DACH2: variants seen among roughly 807,000 people sequenced by gnomAD.
DACH2 encodes dachshund homolog 2.
A neutral mutation model predicts 35.8 loss-of-function variants in DACH2; 17 were observed. The observed-to-expected ratio is 0.48, with a 90% CI of 0.33 to 0.71. DACH2 has a LOEUF of 0.71. Ranked by LOEUF, DACH2 falls within the 30% of genes least tolerant of loss-of-function variation. The pLI is 0.02. For synonymous variants in DACH2, 195 were observed against 177.3 expected (o/e 1.10, Z -0.79); for missense variants, 469 against 472.7 (o/e 0.99, Z 0.07).
At chrX:86,171,893 G>A (rs1352732113) in intron 1 of DACH2, among the ~76,000 whole-genome samples, 1 of 111,062 alleles carries the variant, frequency 9.0e-6, no homozygotes, top group Non-Finnish European at 1.9e-5. Context: ...CTTTCTATTC[G>A]GCTACCTTGC....
chrX:86,658,804 T>C (rs2040572755), intron 4 of DACH2, among the ~76,000 whole-genome samples: 2 of 111,543 alleles, frequency 1.8e-5, no homozygotes, highest in South Asian at 3.7e-4. Flanking sequence ...CATTTACTTG[T>C]AGAAATAAAT....
intron 2 of DACH2, among the ~76,000 whole-genome samples, chrX:86,425,958 T>G (rs2036887017): frequency 9.0e-6 from 1 of 111,206 alleles, no homozygotes; most frequent in Non-Finnish European, 1.9e-5. Context: ...AATGAGCAGG[T>G]AGTAGACTCC....
intron 2 of DACH2, among the ~76,000 whole-genome samples, chrX:86,450,514 A>G (rs748022724): frequency 1.8e-5 from 2 of 111,218 alleles, no homozygotes; most frequent in Non-Finnish European, 3.8e-5. Context: ...GCTATTGTGA[A>G]TAGTGCTGCA....
At chrX:86,520,000 C>T (rs2038529217) in intron 3 of DACH2, among the ~76,000 whole-genome samples, 1 of 110,650 alleles carries the variant, frequency 9.0e-6, no homozygotes, top group Non-Finnish European at 1.9e-5. Context: ...GAAGTTAGGT[C>T]GTTAATTTGA....
intron 2 of DACH2, among the ~76,000 whole-genome samples, chrX:86,431,500 A>G (rs1229219895): frequency 2.7e-5 from 3 of 111,655 alleles, no homozygotes; most frequent in Non-Finnish European, 5.7e-5. Flanking sequence ...GATGGAGAGC[A>G]TGAAAGATCA....
chrX:86,627,514 A>T (rs2040152285), intron 3 of DACH2, among the ~76,000 whole-genome samples: 1 of 111,629 alleles, frequency 9.0e-6, no homozygotes, highest in Non-Finnish European at 1.9e-5. Flanking sequence ...ATATAATTAA[A>T]TATTATTGTT....
intron 1 of DACH2, among the ~76,000 whole-genome samples, chrX:86,188,323 T>G (rs1358772337): frequency 8.9e-6 from 1 of 111,936 alleles, no homozygotes; most frequent in East Asian, 2.8e-4. Flanking sequence ...AAAGTTGTGC[T>G]GCCCTCTACT....
intron 3 of DACH2, among the ~76,000 whole-genome samples, chrX:86,528,535 T>A (rs1340486753): frequency 9.0e-6 from 1 of 111,718 alleles, no homozygotes; most frequent in East Asian, 2.8e-4. Flanking sequence ...TGAATTGAAT[T>A]CTAAGCTTAA....
chrX:86,735,396 C>G (rs181266263), intron 6 of DACH2, among the ~76,000 whole-genome samples: 180 of 111,605 alleles, frequency 1.6e-3, no homozygotes, highest in African/African-American at 5.4e-3. Flanking sequence ...TAAACATTGT[C>G]CCATTCTTTA....
In DACH2 at chrX:86,537,975, C is replaced by T. The variant is rs1400497443; in HGVS notation, c.640+23584C>T. Among the ~76,000 whole-genome samples the T allele has an allele frequency of 1.4e-4, 16 of 110,786 alleles. No homozygotes were observed. In the Admixed American group the frequency reaches 1.5e-3, roughly 11 times the overall value. On this transcript the variant is annotated intron_variant, in intron 3 of 11. Transcript: ENST00000373125. ...CGCCCCTGCCCACCAGAGAACAACC[C>T]CCTTTGATTGTAATTTTCCACTACC...
intron 7 of DACH2, among the ~76,000 whole-genome samples, chrX:86,807,680 T>C (rs1245384809): frequency 8.9e-6 from 1 of 112,106 alleles, no homozygotes; most frequent in African/African-American, 3.2e-5. Context: ...GATGTTCTGC[T>C]CTAAAAGATT....
chrX:86,768,946 G>A (rs1477906569), intron 7 of DACH2, among the ~76,000 whole-genome samples: 2 of 111,021 alleles, frequency 1.8e-5, no homozygotes, highest in Non-Finnish European at 3.8e-5. Flanking sequence ...TAATCCACCA[G>A]CACATCAAAA....
At chrX:86,295,190 G>A (rs1350942235) in intron 1 of DACH2, among the ~76,000 whole-genome samples, 4 of 106,468 alleles carry the variant, frequency 3.8e-5, no homozygotes, top group South Asian at 4.4e-4. Flanking sequence ...TCCAGGTGCC[G>A]TCTGTCACCC....
At chrX:86,409,829 C>T (rs2036582310) in intron 2 of DACH2, among the ~76,000 whole-genome samples, 1 of 112,085 alleles carries the variant, frequency 8.9e-6, no homozygotes, top group African/African-American at 3.2e-5. Context: ...TAATCTAAAG[C>T]CCATTTCAAA....
chrX:86,690,828 G>A (rs993260308), intron 4 of DACH2, among the ~76,000 whole-genome samples: 7 of 111,847 alleles, frequency 6.3e-5, no homozygotes, highest in African/African-American at 2.3e-4. Context: ...GATTAAATTA[G>A]TTAGTGTTAA....
At chrX:86,556,362 T>C (rs1353888103) in intron 3 of DACH2, among the ~76,000 whole-genome samples, 5 of 110,677 alleles carry the variant, frequency 4.5e-5, no homozygotes, top group South Asian at 7.6e-4. Flanking sequence ...GCGTTCATTA[T>C]CTCTTTTGTG....
intron 4 of DACH2, among the ~76,000 whole-genome samples, chrX:86,679,464 A>G (rs1249903700): frequency 8.9e-6 from 1 of 111,989 alleles, no homozygotes; most frequent in East Asian, 2.8e-4. Flanking sequence ...CAACACATGA[A>G]AACTTTAAAA....
At position 86,289,583 on chromosome X, in the gene DACH2, C is replaced by T. The variant is rs749835657; in HGVS notation, c.489-87241C>T. On this transcript the variant is annotated intron_variant, in intron 1 of 11. Coordinates refer to ENST00000373125, the MANE Select transcript of DACH2 (RefSeq NM_053281.3). ...CTATCCCTCCCCCCTCCCCCCACCC[C>T]ACAACAGTCCCCAGAGTGTGATGTT... is the stretch of plus-strand genomic sequence containing the variant. Among the ~76,000 whole-genome samples the T allele has an allele frequency of 9.0e-3, 667 of 73,891 alleles. 13 individuals are homozygous for T. The highest frequency in any genetic ancestry group is 0.029 in the African/African-American group (566 of 19,366). 64.2% of individuals were successfully genotyped at this position (73,891 alleles called of 115,157 possible). A position where few individuals can be genotyped will look rare whatever the true frequency, so the allele number is the denominator to read the frequency against.
intron 1 of DACH2, among the ~76,000 whole-genome samples, chrX:86,362,478 A>G (rs995945921): frequency 1.8e-5 from 2 of 111,599 alleles, no homozygotes; most frequent in Non-Finnish European, 3.8e-5. Flanking sequence ...TTAAGGTGAT[A>G]AACTAAATAA....
Sources: allele counts gnomAD v4.1 joint callset (sites outside exome capture counted in the v4.1 genomes callset), GRCh38; gene constraint gnomAD v4.1.1; transcripts MANE v1.5; gene names NCBI Gene and HGNC (gene_info 2026-07-23, HGNC 2026-07-21).